The following TRMT10B variants were observed in gnomAD, a reference collection of about 807,000 sequenced individuals.
The protein encoded by TRMT10B is tRNA methyltransferase 10 homolog B.
TRMT10B carries 33 observed loss-of-function variants against 43.8 expected under a neutral mutation model. The ratio of observed to expected loss-of-function variants is 0.75; its 90% CI spans 0.57 to 1.01. TRMT10B has a LOEUF of 1.01. Ranked by LOEUF, TRMT10B falls within the 50% of genes least tolerant of loss-of-function variation. The pLI is 0.00. For missense variants in TRMT10B, 362 were observed against 369.8 expected, an observed-to-expected ratio of 0.98 and a Z score of 0.17; for synonymous variants, 137 against 130.6, an observed-to-expected ratio of 1.05 and a Z score of -0.34.
chr9:37,754,628 CAGGT>C (rs146257022), intron 1 of TRMT10B, among the ~76,000 whole-genome samples: 193 of 152,154 alleles, frequency 1.3e-3, no homozygotes, highest in African/African-American at 4.2e-3. Context: ...AGTGGGGAAA[CAGGT>C]AGACAGCTGT....
chr9:37,770,641 T>A lies in TRMT10B; in HGVS notation c.653-31T>A, dbSNP rs368296684. ...TGGATTTAGAAATTATAAAACAGAT[T>A]TGATCTCATTGGCCTTCATTTTTTC... On this transcript the variant is annotated intron_variant, in intron 6 of 8. Coordinates refer to ENST00000297994, the MANE Select transcript of TRMT10B (RefSeq NM_144964.4). The A allele has an allele frequency of 7.8e-5, 124 of 1,580,322 alleles. 2 individuals are homozygous for A. The South Asian group carries it at 1.3e-3, about 16-fold the overall frequency.
intron 1 of TRMT10B, among the ~76,000 whole-genome samples, chr9:37,755,268 C>CTTTTTTTT (rs61444533): frequency 4.0e-5 from 5 of 124,450 alleles, no homozygotes; most frequent in African/African-American, 8.7e-5. Context: ...AAGACTCCGT[C>CTTTTTTTT]TTTTTTTTTT....
chr9:37,757,037 A>G (rs556590496), intron 1 of TRMT10B, among the ~76,000 whole-genome samples: 152 of 151,228 alleles, frequency 1.0e-3, no homozygotes, highest in African/African-American at 3.5e-3. Flanking sequence ...GATCAACTTC[A>G]CTGTTCATTC....
At chr9:37,755,134 TG>T (rs1224551624) in intron 1 of TRMT10B, among the ~76,000 whole-genome samples, 2 of 152,072 alleles carry the variant, frequency 1.3e-5, no homozygotes, top group African/African-American at 2.4e-5. Flanking sequence ...TAGCCGGACA[TG>T]GTGGCGGGTG....
chr9:37,754,546 G>A (rs567586385), intron 1 of TRMT10B, among the ~76,000 whole-genome samples: 4 of 152,236 alleles, frequency 2.6e-5, no homozygotes, highest in East Asian at 1.9e-4. Flanking sequence ...CAAATACTTA[G>A]GATGCTCACA....
At chr9:37,764,837 T>G (rs1338301576) in intron 4 of TRMT10B, among the ~76,000 whole-genome samples, 1 of 152,148 alleles carries the variant, frequency 6.6e-6, no homozygotes, top group African/African-American at 2.4e-5. Flanking sequence ...ACAGATGAGA[T>G]TCACAGCAGT....
intron 1 of TRMT10B, among the ~76,000 whole-genome samples, chr9:37,756,749 C>T (rs1563982791): frequency 1.3e-5 from 2 of 151,074 alleles, no homozygotes; most frequent in East Asian, 1.9e-4. Flanking sequence ...TATACACACA[C>T]ACACATATAT....
In TRMT10B at chr9:37,768,081, A is replaced by G; in HGVS notation, c.426A>G (p.Leu142=). Residue 142 remains leucine, a synonymous_variant, in exon 5 of 9, where the codon TTA becomes TTG. Transcript: ENST00000297994. ...SMTHYMSKKE[L]SRLAGQIRRL... ...TTGTTCTTATTTCTTTGAAGGAATT[A>G]AGTAGACTGGCTGGACAGATTCGAA... The G allele has an allele frequency of 6.2e-7, 1 of 1,613,804 alleles. No individual in the cohort carries two copies. The highest frequency in any genetic ancestry group is 8.5e-7 in the Non-Finnish European group (1 of 1,179,922).
intron 7 of TRMT10B, among the ~76,000 whole-genome samples, chr9:37,775,048 G>A (rs1349458758): frequency 6.6e-6 from 1 of 152,238 alleles, no homozygotes; most frequent in Non-Finnish European, 1.5e-5. Context: ...GGCCTTGGGG[G>A]AATAGACCTA....
intron 1 of TRMT10B, among the ~76,000 whole-genome samples, chr9:37,761,039 C>A (rs1826271424): frequency 6.6e-6 from 1 of 152,156 alleles, no homozygotes; most frequent in Non-Finnish European, 1.5e-5. Context: ...CTTTCTACTG[C>A]AGTGGTATTC....
At chr9:37,767,594 CCAA>C (rs1827132100) in intron 4 of TRMT10B, 1 of 148,808 alleles carries the variant, frequency 6.7e-6, no homozygotes, top group Non-Finnish European at 1.5e-5. Context: ...TTTCTCCTAC[CCAA>C]CAAATCAAGC....
intron 7 of TRMT10B, among the ~76,000 whole-genome samples, chr9:37,774,232 G>A (rs187397794): frequency 6.6e-6 from 1 of 152,242 alleles, no homozygotes; most frequent in East Asian, 1.9e-4. Flanking sequence ...GAACTGCTGG[G>A]CTGAAGTTAC....
chr9:37,755,048 G>A (rs1825474258), intron 1 of TRMT10B, among the ~76,000 whole-genome samples: 1 of 151,996 alleles, frequency 6.6e-6, no homozygotes, highest in African/African-American at 2.4e-5. Flanking sequence ...AGACAGGTGG[G>A]TCGCGAGGTC....
upstream of TRMT10B, among the ~76,000 whole-genome samples, chr9:37,753,285 TG>T (rs1271204567): frequency 6.6e-6 from 1 of 152,210 alleles, no homozygotes; most frequent in Admixed American, 6.5e-5. Context: ...GGACACAATA[TG>T]ATATCAGGTT....
At chr9:37,754,154 C>T (rs957938758) in intron 1 of TRMT10B, among the ~76,000 whole-genome samples, 5 of 152,190 alleles carry the variant, frequency 3.3e-5, no homozygotes, top group Admixed American at 2.0e-4. Context: ...CTCTGCCAAC[C>T]TAGGGTGGGG....
intron 7 of TRMT10B, among the ~76,000 whole-genome samples, chr9:37,775,132 C>G (rs995794355): frequency 6.6e-6 from 1 of 152,208 alleles, no homozygotes; most frequent in African/African-American, 2.4e-5. Context: ...TCAGCTGGTA[C>G]TATCAAAACT....
At chr9:37,774,250 C>A (rs560753334) in intron 7 of TRMT10B, among the ~76,000 whole-genome samples, 102 of 152,316 alleles carry the variant, frequency 6.7e-4, no homozygotes, top group African/African-American at 2.3e-3. Context: ...TACCCACCTG[C>A]CTCACCCTCC....
At chr9:37,753,252 G>A (rs917143216), upstream of TRMT10B, among the ~76,000 whole-genome samples, 5 of 152,210 alleles carry the variant, frequency 3.3e-5, no homozygotes, top group African/African-American at 1.2e-4. Context: ...TGAAGTCAGT[G>A]AGACCAAGAA....
chr9:37,776,037 T>C (rs1459195635), intron 7 of TRMT10B, among the ~76,000 whole-genome samples: 2 of 152,238 alleles, frequency 1.3e-5, no homozygotes, highest in African/African-American at 2.4e-5. Flanking sequence ...TGATGCCTAC[T>C]GTGGCTGCAG....
Sources: allele counts gnomAD v4.1 joint callset (sites outside exome capture counted in the v4.1 genomes callset), GRCh38; gene constraint gnomAD v4.1.1; transcripts MANE v1.5; gene names NCBI Gene and HGNC (gene_info 2026-07-23, HGNC 2026-07-21).